The following TTC7B variants were observed in gnomAD, a reference collection of about 807,000 sequenced individuals.
TTC7B encodes tetratricopeptide repeat domain 7B.
TTC7B carries 28 observed loss-of-function variants against 106.8 expected under a neutral mutation model. The ratio of observed to expected loss-of-function variants is 0.26; its 90% confidence interval spans 0.19 to 0.36. TTC7B has a LOEUF of 0.36. Among genes scored for constraint, TTC7B ranks in the 10% least tolerant of loss-of-function variants. The probability of loss-of-function intolerance (pLI) is 1.00; values close to 1 mark genes in which losing one functional copy is unlikely to be tolerated. For synonymous variants in TTC7B, 405 were observed against 430.6 expected (o/e 0.94, Z 0.74); for missense variants, 862 against 1,076.4 (o/e 0.80, Z 2.79).
chr14:90,562,872 C>T (rs1456743481), intron 19 of TTC7B, among the ~76,000 whole-genome samples: 1 of 152,204 alleles, frequency 6.6e-6, no homozygotes, highest in East Asian at 1.9e-4. Flanking sequence ...ACCTGTCTTC[C>T]CACTTGTGGG....
At chr14:90,630,644 C>T (rs1418883685) in intron 15 of TTC7B, among the ~76,000 whole-genome samples, 3 of 152,160 alleles carry the variant, frequency 2.0e-5, no homozygotes, top group Admixed American at 6.6e-5. Context: ...CAATAGCTTC[C>T]CATTCCCCCT....
At chr14:90,696,054 G>C (rs1887733687) in intron 5 of TTC7B, among the ~76,000 whole-genome samples, 1 of 152,090 alleles carries the variant, frequency 6.6e-6, no homozygotes, top group Non-Finnish European at 1.5e-5. Context: ...CTGCATCTTT[G>C]AGAACATAAA....
At chr14:90,605,873 C>G (rs1309389878) in intron 17 of TTC7B, 1 of 696,952 alleles carries the variant, frequency 1.4e-6, no homozygotes, top group Non-Finnish European at 1.9e-6. Flanking sequence ...AAAATGAGGT[C>G]ATGTAATACA....
intron 15 of TTC7B, among the ~76,000 whole-genome samples, chr14:90,633,510 T>C (rs968204856): frequency 2.0e-5 from 3 of 152,226 alleles, no homozygotes; most frequent in Admixed American, 1.3e-4. Flanking sequence ...TACTATCTAA[T>C]ATATATTCCA....
intron 4 of TTC7B, among the ~76,000 whole-genome samples, chr14:90,731,243 G>T (rs189302342): frequency 2.0e-5 from 3 of 152,086 alleles, no homozygotes; most frequent in African/African-American, 7.2e-5. Flanking sequence ...GAGCCCCTGC[G>T]CCCGGCCTGC....
At chr14:90,809,892 G>C (rs1403515360) in intron 1 of TTC7B, among the ~76,000 whole-genome samples, 1 of 152,198 alleles carries the variant, frequency 6.6e-6, no homozygotes, top group Non-Finnish European at 1.5e-5. Context: ...ACCACCACCA[G>C]CAACAGAAAA....
rs1889272299 is a variant in TTC7B at position 90,531,098 on chromosome 14, G to A, written c.*10270C>T. On this transcript the variant is annotated 3_prime_UTR_variant, in exon 20 of 20. Coordinates refer to ENST00000328459, the MANE Select transcript of TTC7B (RefSeq NM_001010854.2). ...AAGAGTTTTGTATTCAGTTGAAGTT[G>A]TTATGAGATTAAAATATATTGTTAT... The A allele has an allele frequency of 1.3e-5, 2 of 152,180 alleles. No homozygotes were observed. 9.4% of individuals were successfully genotyped at this position (152,180 alleles called of 1,614,324 possible).
chr14:90,759,040 G>C lies in TTC7B; in HGVS notation c.446-14118C>G, dbSNP rs1240980475. On this transcript the variant is annotated intron_variant, in intron 3 of 19. Transcript: ENST00000328459. The surrounding 1 kb of genome is among the most constrained non-coding windows in gnomAD (Gnocchi z 4.1). ...AACAAACCGTTCCTCTGTCTGTCTT[G>C]AGAGACTGCGGTGGGCCCTGCAGGG... Among the ~76,000 whole-genome samples, 1 of 152,198 alleles carries C rather than the reference G, an allele frequency of 6.6e-6. No individual in the cohort carries two copies. The highest frequency in any genetic ancestry group is 6.5e-5 in the Admixed American group (1 of 15,272).
rs552873110 is a variant in TTC7B at position 90,562,233 on chromosome 14, C to T, written c.2310+15873G>A. ...GCCATCACCCTTCGTTCAGTACCTT[C>T]CCCTCCCTCTGTGTCCCCTCATGTT... On this transcript the variant is annotated intron_variant, in intron 19 of 19. Coordinates refer to ENST00000328459, the MANE Select transcript of TTC7B (RefSeq NM_001010854.2). Among the ~76,000 whole-genome samples the T allele has an allele frequency of 6.6e-5, 10 of 152,292 alleles. No homozygotes were observed. In the South Asian group the frequency reaches 1.7e-3, roughly 25 times the overall value.
At position 90,805,839 on chromosome 14, in the gene TTC7B, G is replaced by C. The variant is rs1342138847; in HGVS notation, c.121+10336C>G. ...AGTCACTCCTGTGAGCCCTGCGGCGGGCACAGCTCAATGCCCAGGGGCACT... is the reference window on the plus strand; with the variant it reads ...AGTCACTCCTGTGAGCCCTGCGGCGCGCACAGCTCAATGCCCAGGGGCACT... On this transcript the variant is annotated intron_variant, in intron 1 of 19. Transcript: ENST00000328459. This position sits in a 1 kb window ranked among gnomAD's most constrained non-coding sequence, Gnocchi z 4.0. Among the ~76,000 whole-genome samples, 1 of 147,614 alleles carries C rather than the reference G, an allele frequency of 6.8e-6. No homozygotes were observed. The highest frequency in any genetic ancestry group is 1.5e-5 in the Non-Finnish European group (1 of 66,658).
chr14:90,621,492 T>C (rs1884183766), intron 15 of TTC7B, among the ~76,000 whole-genome samples: 1 of 151,078 alleles, frequency 6.6e-6, no homozygotes, highest in South Asian at 2.1e-4. Context: ...GCTGGAATTA[T>C]AGGCAGAAGC....
chr14:90,622,839 T>C lies in TTC7B; in HGVS notation c.1752-4794A>G, dbSNP rs567878226. On this transcript the variant is annotated intron_variant, in intron 15 of 19. Coordinates refer to ENST00000328459, the MANE Select transcript of TTC7B (RefSeq NM_001010854.2). The stretch of plus-strand genomic sequence containing the variant: ...TAAAATACCAATCTAACTCCATTAC[T>C]GATGACCCAAATCTAGCATTTCATA... 4.6e-5 allele frequency among the ~76,000 whole-genome samples: 7 copies of C among 152,310 alleles called. No individual in the cohort carries two copies. The South Asian group carries it at 1.5e-3, about 32-fold the overall frequency.
intron 1 of TTC7B, among the ~76,000 whole-genome samples, chr14:90,796,168 G>A (rs1340792579): frequency 6.6e-6 from 1 of 152,174 alleles, no homozygotes; most frequent in Non-Finnish European, 1.5e-5. Flanking sequence ...CTGGGGCAGA[G>A]GCTGGATGGA....
rs887807202 is a variant in TTC7B, at chr14:90,536,041, A to G, written c.*5327T>C. ...CACACAGGGGCGGGGGCTCCACCCT[A>G]TGAATCTGGGGGAGCAAAACTGCAT... On this transcript the variant is annotated 3_prime_UTR_variant, in exon 20 of 20. Transcript: ENST00000328459. 1.9e-5 allele frequency: 3 copies of G among 154,094 alleles called. No homozygotes were observed. Among genetic ancestry groups the G allele is most frequent in the Non-Finnish European group, 4.4e-5 (3 of 68,380 alleles). 9.5% of individuals were successfully genotyped at this position (154,094 alleles called of 1,614,324 possible).
intron 3 of TTC7B, among the ~76,000 whole-genome samples, chr14:90,751,999 A>G (rs1169527562): frequency 1.3e-5 from 2 of 152,150 alleles, no homozygotes; most frequent in African/African-American, 4.8e-5. Context: ...AGGACTGCTG[A>G]GTGCACAGGG....
At chr14:90,553,024 G>A (rs985448345) in intron 19 of TTC7B, among the ~76,000 whole-genome samples, 12 of 152,230 alleles carry the variant, frequency 7.9e-5, no homozygotes, top group African/African-American at 2.7e-4. Context: ...TTTGTCTGGG[G>A]CAGGGACGGG....
intron 19 of TTC7B, among the ~76,000 whole-genome samples, chr14:90,573,714 A>G (rs1049031735): frequency 2.0e-5 from 3 of 150,136 alleles, no homozygotes; most frequent in Non-Finnish European, 4.4e-5. Context: ...ACCCCACTTC[A>G]CTCCACTTGC....
At chr14:90,736,070 AT>A (rs1889510071) in intron 4 of TTC7B, among the ~76,000 whole-genome samples, 1 of 152,166 alleles carries the variant, frequency 6.6e-6, no homozygotes, top group Non-Finnish European at 1.5e-5. Flanking sequence ...GACAGAAAAT[AT>A]GAAAAGGAAA....
intron 6 of TTC7B, among the ~76,000 whole-genome samples, chr14:90,693,723 G>T (rs1887562332): frequency 6.6e-6 from 1 of 152,180 alleles, no homozygotes. Context: ...TGTTGTTGAG[G>T]GTGTGGAGAA....
Sources: allele counts gnomAD v4.1 joint callset (sites outside exome capture counted in the v4.1 genomes callset), GRCh38; gene constraint gnomAD v4.1.1; non-coding constraint Gnocchi (gnomAD v3.1); transcripts MANE v1.5; gene names NCBI Gene and HGNC (gene_info 2026-07-23, HGNC 2026-07-21).